The following NTRK2 variants were observed in gnomAD, a reference collection of about 807,000 sequenced individuals.
The protein encoded by NTRK2 is neurotrophic receptor tyrosine kinase 2, also known as BDNF/NT-3 growth factors receptor.
NTRK2 carries 13 observed loss-of-function variants against 94.5 expected under a neutral mutation model. The observed-to-expected ratio is 0.14, with a 90% CI of 0.09 to 0.22. The LOEUF (loss-of-function observed/expected upper bound fraction) is 0.22. NTRK2 is among the 10% of genes least tolerant of loss of function. NTRK2 has a pLI of 1.00. For synonymous variants in NTRK2, 372 were observed against 407.4 expected, an observed-to-expected ratio of 0.91 and a Z score of 1.05; for missense variants, 639 against 1,071.2, an observed-to-expected ratio of 0.60 and a Z score of 5.63.
At chr9:84,858,548 G>T in intron 12 of NTRK2, among the ~76,000 whole-genome samples, 1 of 151,264 alleles carries the variant, frequency 6.6e-6, no homozygotes, top group Admixed American at 6.6e-5. Flanking sequence ...TCCCATTCTT[G>T]GCTAATTCTA....
chr9:84,710,925 C>A, intron 6 of NTRK2, 134 bp downstream of exon 6: 1 of 813,230 alleles, frequency 1.2e-6, no homozygotes, highest in Non-Finnish European at 2.0e-6. Flanking sequence ...ACTCAGACAA[C>A]ATTTATGTGC....
chr9:84,875,171 T>C, intron 14 of NTRK2: 1 of 1,058,652 alleles, frequency 9.4e-7, no homozygotes, highest in Non-Finnish European at 1.1e-6. Flanking sequence ...GTCCTTGCAT[T>C]TGTTTGTACT....
At chr9:84,943,926 T>A (rs1205317375) in intron 15 of NTRK2, among the ~76,000 whole-genome samples, 1 of 152,042 alleles carries the variant, frequency 6.6e-6, no homozygotes, top group Non-Finnish European at 1.5e-5. Context: ...ATTTTCTGAA[T>A]CTCTTAAAAT....
At chr9:84,763,861 C>T (rs1265510139) in intron 12 of NTRK2, among the ~76,000 whole-genome samples, 6 of 151,516 alleles carry the variant, frequency 4.0e-5, no homozygotes, top group African/African-American at 7.3e-5. Flanking sequence ...TTCTTTGGTC[C>T]CTTGCAGTCT....
chr9:84,894,058 G>C (rs758548396), intron 14 of NTRK2, among the ~76,000 whole-genome samples: 1 of 151,992 alleles, frequency 6.6e-6, no homozygotes, highest in African/African-American at 2.4e-5. Flanking sequence ...CCAAGTCTGG[G>C]TCTCTCAGTG....
intron 9 of NTRK2, among the ~76,000 whole-genome samples, chr9:84,740,685 G>C (rs1200894462): frequency 6.6e-6 from 1 of 152,228 alleles, no homozygotes; most frequent in African/African-American, 2.4e-5. Context: ...CTATACAGCA[G>C]TATGCAGCAT....
At chr9:84,876,860 T>C in intron 14 of NTRK2, 1 of 1,062,614 alleles carries the variant, frequency 9.4e-7, no homozygotes, top group Non-Finnish European at 1.1e-6. Context: ...TTTTCCCTTT[T>C]AGGAGTCTTT....
At chr9:84,752,746 A>G (rs1300730200) in intron 12 of NTRK2, among the ~76,000 whole-genome samples, 2 of 152,242 alleles carry the variant, frequency 1.3e-5, no homozygotes, top group African/African-American at 4.8e-5. Context: ...TTCTTGTTAC[A>G]TAAAAAATGC....
chr9:84,894,671 CT>C (rs1466336066), intron 14 of NTRK2, among the ~76,000 whole-genome samples: 1 of 152,236 alleles, frequency 6.6e-6, no homozygotes, highest in African/African-American at 2.4e-5. Flanking sequence ...AAAAATCTTA[CT>C]GTGAGGACTA....
intron 4 of NTRK2, among the ~76,000 whole-genome samples, chr9:84,704,369 CA>C (rs2060914742): frequency 6.6e-6 from 1 of 151,266 alleles, no homozygotes; most frequent in South Asian, 2.1e-4. Flanking sequence ...GCTGGGACTA[CA>C]GGCACCTGCC....
intron 9 of NTRK2, among the ~76,000 whole-genome samples, chr9:84,728,175 T>C (rs917973840): frequency 6.6e-6 from 1 of 152,132 alleles, no homozygotes; most frequent in Admixed American, 6.5e-5. Flanking sequence ...ATAGGAGATG[T>C]GCCTGTTATG....
chr9:84,815,279 CT>C (rs2072271590), intron 12 of NTRK2: 7 of 1,053,374 alleles, frequency 6.6e-6, no homozygotes, highest in South Asian at 4.6e-5. Context: ...ACCCCCACCC[CT>C]AACTACTGAC....
At chr9:84,876,138 G>T (rs1462676393) in intron 14 of NTRK2, 1 of 1,039,240 alleles carries the variant, frequency 9.6e-7, no homozygotes. Flanking sequence ...CATTAAAGTG[G>T]AACCCAAGCT....
chr9:85,002,044 A>C (rs1175081971), intron 17 of NTRK2, among the ~76,000 whole-genome samples: 3 of 152,204 alleles, frequency 2.0e-5, no homozygotes, highest in Admixed American at 6.5e-5. Flanking sequence ...TGATTGCAGC[A>C]AACAGGAAAT....
In NTRK2 at chr9:85,025,202, A is replaced by T. The variant is rs1832977102; in HGVS notation, c.*3765A>T. On this transcript the variant is annotated 3_prime_UTR_variant, in exon 19 of 19. Transcript: ENST00000277120. ...GTGCTTCCCAAAACAACTGAATAAA[A>T]GCCATCCCACTACATTGAGTGCTTT... 4.3e-6 allele frequency: 1 copy of T among 233,036 alleles called. No individual in the cohort carries two copies. Among genetic ancestry groups the T allele is most frequent in the South Asian group, 1.8e-4 (1 of 5,536 alleles). The allele number at this position is 233,036 out of a possible 1,614,324, so 14.4% of individuals were successfully genotyped here. A position where few individuals can be genotyped will look rare whatever the true frequency, so the allele number is the denominator to read the frequency against.
chr9:84,670,439 C>A lies in NTRK2; in HGVS notation c.-310C>A. On this transcript the variant is annotated 5_prime_UTR_variant, in exon 2 of 19. Coordinates refer to ENST00000277120, the MANE Select transcript of NTRK2 (RefSeq NM_006180.6). ...AAGGAATCTGCGCCCCAGAGAGTCC[C>A]GGGAGCGCCGCCGGTCGGTGCCCGG... 2.1e-6 allele frequency: 1 copy of A among 471,988 alleles called. No individual in the cohort carries two copies. Among genetic ancestry groups the A allele is most frequent in the Non-Finnish European group, 3.9e-6 (1 of 259,616 alleles). 29.2% of individuals were successfully genotyped at this position (471,988 alleles called of 1,614,324 possible).
At chr9:84,696,698 A>C (rs576059375) in intron 2 of NTRK2, among the ~76,000 whole-genome samples, 1 of 152,354 alleles carries the variant, frequency 6.6e-6, no homozygotes, top group East Asian at 1.9e-4. Context: ...GCAAACTTAC[A>C]AGTGCAATAA....
At chr9:84,754,161 A>T (rs1020410444) in intron 12 of NTRK2, among the ~76,000 whole-genome samples, 13 of 152,226 alleles carry the variant, frequency 8.5e-5, no homozygotes, top group Non-Finnish European at 1.8e-4. Context: ...TCCTTAATGA[A>T]TTATAAGAAA....
At chr9:84,686,980 G>A (rs1250373603) in intron 2 of NTRK2, among the ~76,000 whole-genome samples, 1 of 152,136 alleles carries the variant, frequency 6.6e-6, no homozygotes, top group Non-Finnish European at 1.5e-5. Context: ...TATATAATCA[G>A]TATATTCATA....
Sources: allele counts gnomAD v4.1 joint callset (sites outside exome capture counted in the v4.1 genomes callset), GRCh38; gene constraint gnomAD v4.1.1; transcripts MANE v1.5; gene names NCBI Gene and HGNC (gene_info 2026-07-23, HGNC 2026-07-21).